Variants in UBR3 observed in about 807,000 individuals in gnomAD.
The protein encoded by UBR3 is E3 ubiquitin-protein ligase UBR3.
Under a neutral mutation model 243.2 loss-of-function variants are expected in UBR3, and 85 were observed. That is an observed-to-expected ratio of 0.35 (90% confidence interval 0.29 to 0.42). The LOEUF (loss-of-function observed/expected upper bound fraction) is 0.42, where lower values mean the gene tolerates loss of function less well. Ranked by LOEUF, UBR3 falls within the 10% of genes least tolerant of loss-of-function variation. The probability of loss-of-function intolerance (pLI) is 1.00; values close to 1 mark genes in which losing one functional copy is unlikely to be tolerated. For synonymous variants in UBR3, 748 were observed against 799.8 expected (o/e 0.94, Z 1.09); for missense variants, 1,686 against 2,300.8 (o/e 0.73, Z 5.47).
intron 31 of UBR3, among the ~76,000 whole-genome samples, chr2:170,032,253 A>G (rs1483644340): frequency 7.1e-6 from 1 of 140,658 alleles, no homozygotes; most frequent in Non-Finnish European, 1.6e-5. Flanking sequence ...ATAAATTTGT[A>G]TGTGCTTGTT....
At position 170,082,800 on chromosome 2, in the gene UBR3, A is replaced by G. The variant is rs1410643551; in HGVS notation, c.*957A>G. ...AGCTCAAGAGGTTCAGCTATATTGT[A>G]TTTGTGCAGTGTAATCACTACTATT... On this transcript the variant is annotated 3_prime_UTR_variant, in exon 39 of 39. Coordinates refer to ENST00000272793, the MANE Select transcript of UBR3 (RefSeq NM_172070.4). The G allele has an allele frequency of 1.3e-5, 2 of 152,184 alleles. No homozygotes were observed. The highest frequency in any genetic ancestry group is 4.8e-5 in the African/African-American group (2 of 41,432). 9.4% of individuals were successfully genotyped at this position (152,184 alleles called of 1,614,324 possible). A position where few individuals can be genotyped will look rare whatever the true frequency, so the allele number is the denominator to read the frequency against.
intron 16 of UBR3, 149 bp from the exon 17 acceptor site, chr2:169,927,171 C>T: frequency 1.1e-6 from 1 of 936,102 alleles, no homozygotes. Flanking sequence ...AGCAGTTAAA[C>T]TGCAGTTATG....
Position 169,872,313 on chromosome 2 carries a change from T to G in UBR3, c.623T>G (p.Phe208Cys). 6.5e-7 allele frequency: 1 copy of G among 1,531,916 alleles called. No individual in the cohort carries two copies. The highest frequency in any genetic ancestry group is 8.8e-7 in the Non-Finnish European group (1 of 1,132,206). 94.9% of individuals were successfully genotyped at this position (1,531,916 alleles called of 1,614,324 possible). Residue 208 changes from phenylalanine (F) to cysteine (C), a missense_variant, in exon 2 of 39, where the codon TTT becomes TGT. By Grantham distance (205) the Phe-to-Cys change is radical. Transcript: ENST00000272793. The stretch of plus-strand genomic sequence containing the variant: ...AAAGACTTACTGATGATGTCTGAAT[T>G]TGTTCTTCCAAGATTTATATTTTGT... ...VPKDLLMMSE[F>C]VLPRFIFCLI... is the part of the protein sequence containing the mutation.
intron 13 of UBR3, 27 bp downstream of exon 13, chr2:169,924,200 T>G (rs995315830): frequency 6.8e-7 from 1 of 1,465,868 alleles, no homozygotes; most frequent in Non-Finnish European, 9.2e-7. Context: ...TTAAAAAGTT[T>G]TGAAGTGGAT....
In UBR3 at chr2:169,838,385, ATT is replaced by A. The variant is rs1491190278; in HGVS notation, c.545+10335_545+10336del. Among the ~76,000 whole-genome samples the A allele has an allele frequency of 3.6e-3, 472 of 131,662 alleles. 12 individuals are homozygous for A. The highest frequency in any genetic ancestry group is 0.013 in the African/African-American group (434 of 32,886). 86.4% of individuals were successfully genotyped at this position (131,662 alleles called of 152,430 possible). On this transcript the variant is annotated intron_variant, in intron 1 of 38. Coordinates refer to ENST00000272793, the MANE Select transcript of UBR3 (RefSeq NM_172070.4). ...AAGCTGGGAAGTCCAAGATTAAGGC[ATT>A]TGTGTGTGTGTGTGTGTGTGTGTGT... is the stretch of plus-strand genomic sequence containing the variant.
At chr2:170,064,126 C>G (rs746685067) in intron 35 of UBR3, among the ~76,000 whole-genome samples, 17 of 152,152 alleles carry the variant, frequency 1.1e-4, no homozygotes, top group Non-Finnish European at 2.1e-4. Flanking sequence ...TATTCATATA[C>G]TTAGCCAGTT....
chr2:170,059,995 A>C (rs2091425336), intron 33 of UBR3, among the ~76,000 whole-genome samples: 1 of 152,228 alleles, frequency 6.6e-6, no homozygotes, highest in Admixed American at 6.5e-5. Flanking sequence ...TGGAAAGAGC[A>C]CAGTAACATG....
intron 24 of UBR3, among the ~76,000 whole-genome samples, chr2:169,972,776 GAAAT>G (rs2088225440): frequency 6.6e-6 from 1 of 151,624 alleles, no homozygotes; most frequent in Non-Finnish European, 1.5e-5. Context: ...AAAATAATAA[GAAAT>G]ATCTATGACA....
rs555540393 is a variant in UBR3, at chr2:169,961,873, TG to T, written c.3634+3348del. 5.7e-3 allele frequency among the ~76,000 whole-genome samples: 617 copies of T among 108,742 alleles called. 2 individuals are homozygous for T. The highest frequency in any genetic ancestry group is 9.6e-3 in the African/African-American group (340 of 35,362). 71.3% of individuals were successfully genotyped at this position (108,742 alleles called of 152,430 possible). The stretch of plus-strand genomic sequence containing the variant: ...CTGAAACTATGAGAATTTTTTCCCA[TG>T]TTTTTTTTTTTTTTTTGATAACTGG... On this transcript the variant is annotated intron_variant, in intron 24 of 38. Transcript: ENST00000272793.
intron 18 of UBR3, among the ~76,000 whole-genome samples, chr2:169,930,904 C>T (rs1482397473): frequency 2.0e-5 from 3 of 152,048 alleles, no homozygotes; most frequent in South Asian, 2.1e-4. Flanking sequence ...TAAAGTGGCC[C>T]CTGTTATACA....
chr2:170,066,607 T>C (rs1167603869), intron 35 of UBR3, among the ~76,000 whole-genome samples: 2 of 152,192 alleles, frequency 1.3e-5, no homozygotes, highest in African/African-American at 4.8e-5. Flanking sequence ...TAATGATAGC[T>C]AGCATTTACT....
chr2:169,888,305 AT>A (rs756751294), intron 5 of UBR3, among the ~76,000 whole-genome samples: 116 of 150,688 alleles, frequency 7.7e-4, no homozygotes, highest in Non-Finnish European at 1.3e-3. Context: ...CGCCCAGCTA[AT>A]TTTTGTATTT....
chr2:169,887,218 A>C (rs2084135080), intron 5 of UBR3, among the ~76,000 whole-genome samples: 1 of 152,216 alleles, frequency 6.6e-6, no homozygotes, highest in Non-Finnish European at 1.5e-5. Flanking sequence ...TTTGTGCCTG[A>C]AACACATGTA....
intron 5 of UBR3, 56 bp from the exon 6 acceptor site, chr2:169,891,109 A>G: frequency 7.4e-7 from 1 of 1,350,208 alleles, no homozygotes. Context: ...CACATTTATA[A>G]AGTGTATCAA....
At chr2:169,989,446 T>C (rs751578652) in intron 25 of UBR3, among the ~76,000 whole-genome samples, 2 of 152,200 alleles carry the variant, frequency 1.3e-5, no homozygotes, top group Non-Finnish European at 2.9e-5. Flanking sequence ...TTTTTCAGAA[T>C]GTTGCTGTGA....
intron 8 of UBR3, among the ~76,000 whole-genome samples, chr2:169,904,374 A>G (rs1477679203): frequency 6.6e-6 from 1 of 152,204 alleles, no homozygotes; most frequent in Admixed American, 6.5e-5. Flanking sequence ...TATGGGTATT[A>G]ATATGTTTTA....
chr2:169,946,741 A>C (rs1437270149), intron 21 of UBR3, among the ~76,000 whole-genome samples: 1 of 152,154 alleles, frequency 6.6e-6, no homozygotes, highest in Non-Finnish European at 1.5e-5. Flanking sequence ...AAGAAAATTG[A>C]TTATTGGCAA....
chr2:169,859,908 G>T (rs933010224), intron 1 of UBR3, among the ~76,000 whole-genome samples: 15 of 151,878 alleles, frequency 9.9e-5, no homozygotes, highest in African/African-American at 3.6e-4. Flanking sequence ...TAGTGGAGAC[G>T]GGGTTTCACC....
chr2:169,842,742 ACAT>A (rs2105285957), intron 1 of UBR3, among the ~76,000 whole-genome samples: 1 of 152,306 alleles, frequency 6.6e-6, no homozygotes, highest in East Asian at 1.9e-4. Context: ...ACACATCTGA[ACAT>A]CAGAAGGGAC....
Sources: allele counts gnomAD v4.1 joint callset (sites outside exome capture counted in the v4.1 genomes callset), GRCh38; gene constraint gnomAD v4.1.1; transcripts MANE v1.5; gene names NCBI Gene and HGNC (gene_info 2026-07-23, HGNC 2026-07-21).